The following PTPRD variants were observed in gnomAD, a reference collection of about 807,000 sequenced individuals.
PTPRD encodes the protein protein tyrosine phosphatase receptor type D.
A neutral mutation model predicts 214.5 loss-of-function variants in PTPRD; 34 were observed. That is an observed-to-expected ratio of 0.16 (90% CI 0.12 to 0.21). The LOEUF (loss-of-function observed/expected upper bound fraction) is 0.21. Among genes scored for constraint, PTPRD ranks in the 10% least tolerant of loss-of-function variants. The probability of loss-of-function intolerance (pLI) is 1.00; values close to 1 mark genes in which losing one functional copy is unlikely to be tolerated. For synonymous variants in PTPRD, 1,128 were observed against 845.7 expected (o/e 1.33, Z -5.79); for missense variants, 2,545 against 2,398.7 (o/e 1.06, Z -1.27).
At chr9:9,243,957 T>C (rs1211062714) in intron 9 of PTPRD, among the ~76,000 whole-genome samples, 2 of 152,140 alleles carry the variant, frequency 1.3e-5, no homozygotes, top group South Asian at 2.1e-4. Flanking sequence ...GGATATAAAA[T>C]CAATGTGCAA....
chr9:10,377,880 A>G (rs1289167709), intron 2 of PTPRD, among the ~76,000 whole-genome samples: 1 of 152,070 alleles, frequency 6.6e-6, no homozygotes, highest in African/African-American at 2.4e-5. Flanking sequence ...GGAAGTGCAG[A>G]GATCTCATTG....
intron 3 of PTPRD, among the ~76,000 whole-genome samples, chr9:10,043,900 T>C (rs562732537): frequency 6.6e-6 from 1 of 151,868 alleles, no homozygotes; most frequent in Non-Finnish European, 1.5e-5. Flanking sequence ...ATTTTGATCA[T>C]AAGCTGTGAG....
At chr9:9,509,558 C>G (rs892856506) in intron 8 of PTPRD, among the ~76,000 whole-genome samples, 1 of 151,482 alleles carries the variant, frequency 6.6e-6, no homozygotes, top group Admixed American at 6.6e-5. Flanking sequence ...TCCTGTTTTC[C>G]CACATATGAT....
chr9:9,884,511 A>T (rs150495660), intron 5 of PTPRD, among the ~76,000 whole-genome samples: 3 of 152,188 alleles, frequency 2.0e-5, no homozygotes, highest in African/African-American at 7.2e-5. Context: ...TGTCTCCTAA[A>T]ACACACAGCA....
At position 9,304,215 on chromosome 9, in the gene PTPRD, T is replaced by C. The variant is rs146958315; in HGVS notation, c.-203+93234A>G. 2.0e-4 allele frequency among the ~76,000 whole-genome samples: 30 copies of C among 152,148 alleles called. No individual in the cohort carries two copies. In the East Asian group the frequency reaches 4.3e-3, roughly 22 times the overall value. On this transcript the variant is annotated intron_variant, in intron 9 of 45. Transcript: ENST00000381196. ...AAATTAGATCATAATTGGTGACATA[T>C]AGTATAATAGAGGATGATTGTTATG...
At chr9:10,013,371 C>T (rs1317201649) in intron 4 of PTPRD, among the ~76,000 whole-genome samples, 8 of 151,726 alleles carry the variant, frequency 5.3e-5, no homozygotes, top group Non-Finnish European at 4.4e-5. Context: ...ATGAATATTC[C>T]ATTTGTAAAT....
At chr9:8,350,059 A>C (rs757790276) in intron 39 of PTPRD, among the ~76,000 whole-genome samples, 2 of 152,000 alleles carry the variant, frequency 1.3e-5, no homozygotes, top group Non-Finnish European at 2.9e-5. Flanking sequence ...ATTATCATTC[A>C]TCCAGTTACA....
At chr9:8,526,167 G>A (rs1182230446) in intron 17 of PTPRD, among the ~76,000 whole-genome samples, 1 of 142,538 alleles carries the variant, frequency 7.0e-6, no homozygotes, top group African/African-American at 2.7e-5. Context: ...GTCTGCCACT[G>A]TTCTCCAGAC....
chr9:9,693,019 G>C (rs1438084875), intron 7 of PTPRD, among the ~76,000 whole-genome samples: 1 of 151,918 alleles, frequency 6.6e-6, no homozygotes. Flanking sequence ...TATGTTTTTG[G>C]TAGAGTCTTT....
chr9:9,317,909 C>T (rs984985936), intron 9 of PTPRD, among the ~76,000 whole-genome samples: 27 of 152,142 alleles, frequency 1.8e-4, no homozygotes, highest in African/African-American at 5.3e-4. Flanking sequence ...CGGTGGCTCA[C>T]GCCTGTAATC....
intron 11 of PTPRD, among the ~76,000 whole-genome samples, chr9:8,741,805 G>T (rs1373034218): frequency 6.6e-6 from 1 of 151,694 alleles, no homozygotes; most frequent in Non-Finnish European, 1.5e-5. Flanking sequence ...TGGCCAGGCT[G>T]GTGTCAAACT....
At chr9:8,964,080 G>C (rs1269187680) in intron 11 of PTPRD, among the ~76,000 whole-genome samples, 3 of 151,460 alleles carry the variant, frequency 2.0e-5, no homozygotes, top group African/African-American at 7.3e-5. Context: ...AGTCATAGAG[G>C]AGTCCCTCCT....
At chr9:10,099,881 G>A (rs1196634166) in intron 3 of PTPRD, among the ~76,000 whole-genome samples, 1 of 151,544 alleles carries the variant, frequency 6.6e-6, no homozygotes, top group African/African-American at 2.4e-5. Context: ...AAGAAAAAAT[G>A]GTATCACAAC....
At chr9:10,362,262 T>C (rs1049403933) in intron 2 of PTPRD, among the ~76,000 whole-genome samples, 16 of 152,112 alleles carry the variant, frequency 1.1e-4, no homozygotes, top group African/African-American at 3.6e-4. Flanking sequence ...GAGCTTATTA[T>C]ATGTCAGGCA....
At chr9:9,744,155 T>C (rs1447048592) in intron 6 of PTPRD, among the ~76,000 whole-genome samples, 1 of 152,132 alleles carries the variant, frequency 6.6e-6, no homozygotes, top group Non-Finnish European at 1.5e-5. Context: ...GAGATTTAAT[T>C]CAACCTTCCA....
intron 11 of PTPRD, among the ~76,000 whole-genome samples, chr9:8,853,500 A>G (rs865983926): frequency 6.6e-6 from 1 of 152,178 alleles, no homozygotes; most frequent in South Asian, 2.1e-4. Context: ...ACCAGCTACC[A>G]ATTAGAAGCA....
chr9:8,646,182 G>C (rs1286312057), intron 12 of PTPRD, among the ~76,000 whole-genome samples: 1 of 152,142 alleles, frequency 6.6e-6, no homozygotes, highest in Non-Finnish European at 1.5e-5. Flanking sequence ...AACCAGGATT[G>C]AGAATTACTG....
chr9:8,372,777 T>G (rs371548943), intron 39 of PTPRD, among the ~76,000 whole-genome samples: 26 of 152,164 alleles, frequency 1.7e-4, no homozygotes, highest in African/African-American at 6.0e-4. Context: ...TTTCTTTTAC[T>G]TAATGGCTCA....
intron 10 of PTPRD, among the ~76,000 whole-genome samples, chr9:9,145,361 A>G (rs774601821): frequency 2.6e-5 from 4 of 152,184 alleles, no homozygotes; most frequent in Non-Finnish European, 4.4e-5. Context: ...ATTATTGCTT[A>G]TAATTATTCT....
Sources: allele counts gnomAD v4.1 joint callset (sites outside exome capture counted in the v4.1 genomes callset), GRCh38; gene constraint gnomAD v4.1.1; transcripts MANE v1.5; gene names NCBI Gene and HGNC (gene_info 2026-07-23, HGNC 2026-07-21).